MICAL2: variants seen among roughly 807,000 people sequenced by gnomAD.
MICAL2 encodes the protein microtubule associated monooxygenase, calponin and LIM domain containing 2.
A neutral mutation model predicts 127.3 loss-of-function variants in MICAL2; 77 were observed. The observed-to-expected ratio is 0.60, with a 90% CI of 0.50 to 0.73. The LOEUF (loss-of-function observed/expected upper bound fraction) is 0.73. Ranked by LOEUF, MICAL2 falls within the 30% of genes least tolerant of loss-of-function variation. The pLI, the probability that MICAL2 is intolerant of heterozygous loss-of-function variation, is 0.00. For missense variants in MICAL2, 1,351 were observed against 1,434.4 expected (o/e 0.94, Z 0.94); for synonymous variants, 570 against 551.1 (o/e 1.03, Z -0.48).
intron 2 of MICAL2, among the ~76,000 whole-genome samples, chr11:12,154,049 T>C (rs1853888931): frequency 6.6e-6 from 1 of 152,176 alleles, no homozygotes; most frequent in Admixed American, 6.5e-5. Context: ...AGGCAATGCC[T>C]TTCCCATTCT....
At chr11:12,297,869 C>G (rs1864004631) in intron 29 of MICAL2, among the ~76,000 whole-genome samples, 1 of 151,790 alleles carries the variant, frequency 6.6e-6, no homozygotes, top group Non-Finnish European at 1.5e-5. Flanking sequence ...ATTTAGTTGT[C>G]TGTTATATAT....
chr11:12,346,706 C>T (rs926105698), intron 32 of MICAL2, among the ~76,000 whole-genome samples: 2 of 152,166 alleles, frequency 1.3e-5, no homozygotes, highest in African/African-American at 4.8e-5. Flanking sequence ...TATTTGGCTA[C>T]GTTGGTTTTC....
intron 29 of MICAL2, among the ~76,000 whole-genome samples, chr11:12,307,096 C>A (rs1264788153): frequency 6.6e-6 from 1 of 152,196 alleles, no homozygotes; most frequent in Non-Finnish European, 1.5e-5. Context: ...TACTGTACAT[C>A]CATGCTAACA....
intron 3 of MICAL2, among the ~76,000 whole-genome samples, chr11:12,191,383 A>T (rs1395983098): frequency 6.7e-6 from 1 of 150,034 alleles, no homozygotes; most frequent in African/African-American, 2.5e-5. Flanking sequence ...GACGCAGGAG[A>T]GTTGCTTGAA....
chr11:12,127,712 G>T (rs1415725891), intron 1 of MICAL2, among the ~76,000 whole-genome samples: 1 of 152,186 alleles, frequency 6.6e-6, no homozygotes, highest in Non-Finnish European at 1.5e-5. Context: ...TGACTAGGCA[G>T]TAGGGAGTCT....
At position 12,314,457 on chromosome 11, in the gene MICAL2, A is replaced by T. The variant is rs1336966727; in HGVS notation, c.5213-5239A>T. On this transcript the variant is annotated intron_variant, in intron 29 of 34. Transcript: ENST00000646065. The stretch of plus-strand genomic sequence containing the variant: ...AATTAATTCTCTTATCTCCTTCTGG[A>T]TAACCTAAGACTTTAGAAAACTCTA... Among the ~76,000 whole-genome samples, 4 of 151,288 alleles carry T rather than the reference A, an allele frequency of 2.6e-5. No homozygotes were observed. The East Asian group carries it at 7.8e-4, about 29-fold the overall frequency.
chr11:12,220,118 C>T, intron 8 of MICAL2, 83 bp from the exon 9 acceptor site: 2 of 1,546,414 alleles, frequency 1.3e-6, no homozygotes, highest in Non-Finnish European at 1.8e-6. Context: ...GGGACCCATT[C>T]CAAGTCCTTT....
At chr11:12,288,107 A>G (rs1863850011), downstream of MICAL2, among the ~76,000 whole-genome samples, 1 of 152,212 alleles carries the variant, frequency 6.6e-6, no homozygotes, top group South Asian at 2.1e-4. Flanking sequence ...AGGCTGGGAC[A>G]GGGGCACCTT....
intron 26 of MICAL2, chr11:12,260,563 A>C: frequency 3.0e-6 from 3 of 999,286 alleles, no homozygotes; most frequent in Non-Finnish European, 3.6e-6. Flanking sequence ...CACTGCCTGC[A>C]AAGTGGATGA....
intron 27 of MICAL2, chr11:12,262,804 C>T (rs919423167): frequency 3.5e-5 from 14 of 399,266 alleles, no homozygotes; most frequent in South Asian, 8.7e-5. Flanking sequence ...GGTCTGCCTG[C>T]GTGCATGCTT....
upstream of MICAL2, chr11:12,276,043 C>T (rs76132180): frequency 5.0e-3 from 2,001 of 399,248 alleles, 34 homozygotes; most frequent in African/African-American, 0.038. Context: ...CACAGTGATG[C>T]GGAAGGGGAC....
At chr11:12,176,480 C>T (rs1856854623) in intron 3 of MICAL2, among the ~76,000 whole-genome samples, 1 of 152,174 alleles carries the variant, frequency 6.6e-6, no homozygotes, top group African/African-American at 2.4e-5. Flanking sequence ...CCTTTTGTGA[C>T]ACAACTTTTT....
intron 2 of MICAL2, among the ~76,000 whole-genome samples, chr11:12,283,480 C>T (rs951049495): frequency 1.3e-5 from 2 of 151,838 alleles, no homozygotes; most frequent in Non-Finnish European, 2.9e-5. Context: ...ATCCATACAG[C>T]AAAATGTTAT....
At chr11:12,234,736 G>A (rs1294883705) in intron 15 of MICAL2, among the ~76,000 whole-genome samples, 1 of 152,216 alleles carries the variant, frequency 6.6e-6, no homozygotes, top group African/African-American at 2.4e-5. Context: ...AAGAGGACAA[G>A]AGATGAGGAT....
chr11:12,216,497 G>T, intron 8 of MICAL2, 178 bp downstream of exon 8: 1 of 597,622 alleles, frequency 1.7e-6, no homozygotes, highest in East Asian at 2.8e-5. Context: ...AGGAGCCCAC[G>T]CCAATATGCA....
intron 3 of MICAL2, among the ~76,000 whole-genome samples, chr11:12,202,339 C>T (rs1366275853): frequency 9.2e-5 from 14 of 152,198 alleles, no homozygotes; most frequent in African/African-American, 3.4e-4. Context: ...TGGAATAAGA[C>T]TACCTGGGTT....
intron 24 of MICAL2, 58 bp from the exon 25 acceptor site, chr11:12,258,410 A>G (rs1862622927): frequency 1.5e-6 from 2 of 1,334,374 alleles, no homozygotes; most frequent in South Asian, 1.2e-5. Flanking sequence ...GCTTTTGTCT[A>G]CTTAGCTCTA....
At chr11:12,170,680 C>G (rs1856134605) in intron 3 of MICAL2, among the ~76,000 whole-genome samples, 1 of 152,196 alleles carries the variant, frequency 6.6e-6, no homozygotes, top group African/African-American at 2.4e-5. Context: ...CAGACACCAC[C>G]TCCTCCTGGG....
intron 32 of MICAL2, among the ~76,000 whole-genome samples, chr11:12,336,385 C>T (rs1165205906): frequency 6.6e-6 from 1 of 152,184 alleles, no homozygotes; most frequent in Non-Finnish European, 1.5e-5. Context: ...GATATACAAT[C>T]ATGTCATCTG....
Sources: gnomAD v4.1 joint callset for allele counts (sites outside exome capture counted in the v4.1 genomes callset) on GRCh38, gnomAD v4.1.1 for gene constraint, MANE v1.5 for transcripts, NCBI Gene and HGNC (gene_info 2026-07-23, HGNC 2026-07-21) for gene names.